CCL5: variants seen among roughly 807,000 people sequenced by gnomAD.
The protein encoded by CCL5 is C-C motif chemokine 5.
Under a neutral mutation model 9.0 loss-of-function variants are expected in CCL5, and 5 were observed. That is an observed-to-expected ratio of 0.55 (90% CI 0.29 to 1.16). The LOEUF is 1.16. CCL5 is among the 50% of genes most tolerant of loss of function. The pLI, the probability that CCL5 is intolerant of heterozygous loss-of-function variation, is 0.08. For missense variants in CCL5, 183 were observed against 183.2 expected (o/e 1.00, Z 0.01); for synonymous variants, 66 against 72.0 (o/e 0.92, Z 0.42).
At chr17:35,876,798 G>C (rs1294944933) in intron 2 of CCL5, among the ~76,000 whole-genome samples, 1 of 152,206 alleles carries the variant, frequency 6.6e-6, no homozygotes, top group African/African-American at 2.4e-5. Context: ...AATCCTGGGG[G>C]ACAGTCCCTT....
intron 2 of CCL5, chr17:35,875,674 C>T (rs2088433188): frequency 1.1e-6 from 1 of 928,180 alleles, no homozygotes; most frequent in African/African-American, 1.8e-5. Context: ...AAAACAATAC[C>T]TGAGATGAGG....
rs868439163 is a variant in CCL5, at chr17:35,872,266, C to T, written c.*4G>A. On this transcript the variant is annotated 3_prime_UTR_variant, in exon 4 of 4. Coordinates refer to ENST00000651122, the MANE Select transcript of CCL5 (RefSeq NM_001278736.2). ...CTGCTGCTGTGTGGTAGAATCTGGG[C>T]CCTTCAAGGAGCGGGTGGGGTAGGA... is the stretch of plus-strand genomic sequence containing the variant. 3.2e-6 allele frequency: 5 copies of T among 1,539,466 alleles called. No homozygotes were observed. The highest frequency in any genetic ancestry group is 4.4e-6 in the Non-Finnish European group (5 of 1,138,876).
In CCL5 at chr17:35,872,339, G is replaced by T. The variant is rs775116117; in HGVS notation, c.396C>A (p.Cys132Ter). Residue 132 changes from cysteine (C) to a stop codon, truncating the protein, a stop_gained, in exon 4 of 4, where the codon TGC becomes TGA. Transcript: ENST00000651122. LOFTEE classifies it low-confidence loss of function (END_TRUNC). The stretch of plus-strand genomic sequence containing the variant: ...CTAGGACAAGAGCAAGCAGAAACAG[G>T]CAAATTTGTGTAAGTTCAGGTTCAA... 6.2e-7 allele frequency: 1 copy of T among 1,611,046 alleles called. No homozygotes were observed. Among genetic ancestry groups the T allele is most frequent in the Non-Finnish European group, 8.5e-7 (1 of 1,177,944 alleles).
chr17:35,879,635 C>CA (rs35764706), intron 1 of CCL5, among the ~76,000 whole-genome samples: 2,686 of 47,160 alleles, frequency 0.057, 129 homozygotes, highest in African/African-American at 0.13. Flanking sequence ...GACTCCATCT[C>CA]AAAAAAAAAA....
At chr17:35,873,337 C>A (rs544782049) in intron 3 of CCL5, among the ~76,000 whole-genome samples, 1 of 151,932 alleles carries the variant, frequency 6.6e-6, no homozygotes, top group Non-Finnish European at 1.5e-5. Flanking sequence ...ATAGGCGCCC[C>A]CCACCACGCC....
chr17:35,879,352 C>T (rs983587630), intron 1 of CCL5, among the ~76,000 whole-genome samples: 1 of 152,052 alleles, frequency 6.6e-6, no homozygotes, highest in Non-Finnish European at 1.5e-5. Flanking sequence ...GTACAAAAAT[C>T]GGCTGGGCAC....
In CCL5 at chr17:35,875,624, T is replaced by C. The variant is rs1009914723; in HGVS notation, c.207A>G (p.Pro69=). 2.0e-6 allele frequency: 2 copies of C among 985,060 alleles called. No homozygotes were observed. Among genetic ancestry groups the C allele is most frequent in the African/African-American group, 3.5e-5 (2 of 57,188 alleles). 61.0% of individuals were successfully genotyped at this position (985,060 alleles called of 1,614,324 possible). Residue 69 remains proline (P), a synonymous_variant, in exon 3 of 4, where the codon CCA becomes CCG. Coordinates refer to ENST00000651122, the MANE Select transcript of CCL5 (RefSeq NM_001278736.2). Reference sequence around the variant, plus strand: ...GCCAGACTTGCTGTCCCTCTCTCTTTGGCATCCTTGACCTGTGGCTAGGAA... The same window carrying C: ...GCCAGACTTGCTGTCCCTCTCTCTTCGGCATCCTTGACCTGTGGCTAGGAA...
rs1408579896 is a variant in CCL5 at position 35,872,020 on chromosome 17, C to T, written c.*250G>A. 1 of 153,932 alleles carries T rather than the reference C, an allele frequency of 6.5e-6. No homozygotes were observed. Among genetic ancestry groups the T allele is most frequent in the Middle Eastern group, 3.0e-3 (1 of 332 alleles). The allele number at this position is 153,932 out of a possible 1,614,324, so 9.5% of individuals were successfully genotyped here. ...CACTGCAAGCTCCGCCTCCCGGGTT[C>T]ACGCCATTCTCCTGCCTCAGCCTCC... On this transcript the variant is annotated 3_prime_UTR_variant, in exon 4 of 4. Coordinates refer to ENST00000651122, the MANE Select transcript of CCL5 (RefSeq NM_001278736.2).
At chr17:35,877,635 G>A (rs938507390) in intron 2 of CCL5, among the ~76,000 whole-genome samples, 1 of 152,206 alleles carries the variant, frequency 6.6e-6, no homozygotes, top group Non-Finnish European at 1.5e-5. Flanking sequence ...TCAGAGCTAA[G>A]TGTAATTTAA....
chr17:35,873,042 A>C (rs1284970576), intron 3 of CCL5, among the ~76,000 whole-genome samples: 2 of 151,916 alleles, frequency 1.3e-5, no homozygotes, highest in African/African-American at 4.8e-5. Context: ...GGCGCCCGCC[A>C]CCATGCCCAG....
chr17:35,876,932 C>T (rs2088448317), intron 2 of CCL5, among the ~76,000 whole-genome samples: 1 of 152,034 alleles, frequency 6.6e-6, no homozygotes, highest in African/African-American at 2.4e-5. Context: ...TTTCCCTTGT[C>T]ATGTTTTTTT....
chr17:35,873,985 T>G (rs2088410505), intron 3 of CCL5, among the ~76,000 whole-genome samples: 2 of 152,138 alleles, frequency 1.3e-5, no homozygotes, highest in Non-Finnish European at 2.9e-5. Flanking sequence ...GCTGGAAATG[T>G]AAAAGTTGGG....
chr17:35,872,535 G>A, intron 3 of CCL5, 71 bp from the exon 3 acceptor site: 1 of 1,239,854 alleles, frequency 8.1e-7, no homozygotes, highest in South Asian at 1.2e-5. Context: ...GGGGGATGAA[G>A]TGGATTAAGG....
At chr17:35,872,923 C>T (rs572495988) in intron 3 of CCL5, among the ~76,000 whole-genome samples, 17 of 151,596 alleles carry the variant, frequency 1.1e-4, no homozygotes, top group African/African-American at 4.1e-4. Flanking sequence ...GAGTCTTGCT[C>T]TGTCACCCAG....
chr17:35,872,634 C>T (rs28914812), intron 3 of CCL5, among the ~76,000 whole-genome samples, 170 bp from the exon 3 acceptor site: 5,720 of 152,198 alleles, frequency 0.038, 200 homozygotes, highest in South Asian at 0.17. Flanking sequence ...AGAACATTTC[C>T]TCATCTGTTG....
At position 35,880,221 on chromosome 17, in the gene CCL5, A is replaced by G; in HGVS notation, c.76+9T>C. On this transcript the variant is annotated intron_variant, in intron 1 of 3. Coordinates refer to ENST00000651122, the MANE Select transcript of CCL5 (RefSeq NM_001278736.2). ...TCCAGGGGCTGTGGTGGTCAAGACC[A>G]GGACTTACATGGGGAGGCAGATGCA... 1 of 1,612,874 alleles carries G rather than the reference A, an allele frequency of 6.2e-7. No homozygotes were observed. Among genetic ancestry groups the G allele is most frequent in the African/African-American group, 1.3e-5 (1 of 75,022 alleles).
chr17:35,878,539 G>C lies in CCL5; in HGVS notation c.177C>G (p.Asn59Lys). ...GGGCTGAGACTCACACGACTGCTGG[G>C]TTGGAGCACTTGCCACTGGTGTAGA... Residue 59 changes from asparagine to lysine, a missense_variant, in exon 2 of 4, where the codon AAC becomes AAG. Physicochemically the swap from Asn to Lys is moderately conservative, Grantham distance 94. Transcript: ENST00000651122. The C allele has an allele frequency of 6.2e-7, 1 of 1,612,966 alleles. No individual in the cohort carries two copies. Among genetic ancestry groups the C allele is most frequent in the Non-Finnish European group, 8.5e-7 (1 of 1,179,044 alleles).
chr17:35,876,001 C>T (rs904219205), intron 2 of CCL5, among the ~76,000 whole-genome samples: 3 of 152,044 alleles, frequency 2.0e-5, no homozygotes, highest in Non-Finnish European at 2.9e-5. Flanking sequence ...TTTTTGTGTA[C>T]GCAATAATGC....
intron 2 of CCL5, among the ~76,000 whole-genome samples, chr17:35,878,119 C>T (rs931289682): frequency 6.6e-6 from 1 of 151,666 alleles, no homozygotes; most frequent in East Asian, 1.9e-4. Context: ...CCCGTCTCTA[C>T]TAAAAATACA....
Sources: allele counts gnomAD v4.1 joint callset (sites outside exome capture counted in the v4.1 genomes callset), GRCh38; gene constraint gnomAD v4.1.1; transcripts MANE v1.5; gene names NCBI Gene and HGNC (gene_info 2026-07-23, HGNC 2026-07-21).